Variants in RPSA2 observed in about 807,000 individuals in gnomAD.
The protein encoded by RPSA2 is small ribosomal subunit protein uS2B.
chr19:23,837,618 G>A, the RPSA2 span, among the ~76,000 whole-genome samples: 234 of 152,228 alleles, frequency 1.5e-3, no homozygotes, highest in African/African-American at 5.5e-3. Context: ...CCATTTGTTT[G>A]TGTCGTCTAT....
At chr19:23,821,038 G>A in the RPSA2 span, among the ~76,000 whole-genome samples, 1 of 152,326 alleles carries the variant, frequency 6.6e-6, no homozygotes, top group African/African-American at 2.4e-5. Flanking sequence ...TGAATTGGGA[G>A]CAAAATAGCT....
chr19:23,806,894 C>G, the RPSA2 span, among the ~76,000 whole-genome samples: 1 of 151,696 alleles, frequency 6.6e-6, no homozygotes, highest in Non-Finnish European at 1.5e-5. Flanking sequence ...GAAAATATCT[C>G]TATCTTGGAC....
At chr19:23,759,552 C>T in the RPSA2 span, among the ~76,000 whole-genome samples, 1 of 55,198 alleles carries the variant, frequency 1.8e-5, no homozygotes, top group Non-Finnish European at 3.4e-5. Context: ...GAGACGGAGT[C>T]TCGCTCTGTT....
the RPSA2 span, among the ~76,000 whole-genome samples, chr19:23,864,515 T>C: frequency 6.6e-6 from 1 of 152,038 alleles, no homozygotes. Flanking sequence ...TACACAAATA[T>C]TTAAGGAAGA....
At chr19:23,793,142 C>G in the RPSA2 span, among the ~76,000 whole-genome samples, 1 of 151,200 alleles carries the variant, frequency 6.6e-6, no homozygotes, top group Non-Finnish European at 1.5e-5. Context: ...AAGTACAAAG[C>G]GTTTTTCTGG....
chr19:23,813,730 C>CTTTT, the RPSA2 span, among the ~76,000 whole-genome samples: 1 of 136,766 alleles, frequency 7.3e-6, no homozygotes, highest in Non-Finnish European at 1.5e-5. Flanking sequence ...ACACGGGTTT[C>CTTTT]TTTTTTTTTT....
chr19:23,861,998 C>T, the RPSA2 span, among the ~76,000 whole-genome samples: 4 of 152,044 alleles, frequency 2.6e-5, no homozygotes, highest in African/African-American at 9.7e-5. Context: ...ATTGATTCTT[C>T]CTACCCATGA....
chr19:23,864,875 C>A, the RPSA2 span, among the ~76,000 whole-genome samples: 976 of 152,178 alleles, frequency 6.4e-3, 3 homozygotes, highest in Middle Eastern at 0.024. Context: ...AAGCAGATGA[C>A]TGACAACCAC....
At chr19:23,855,248 C>T in the RPSA2 span, among the ~76,000 whole-genome samples, 16 of 152,254 alleles carry the variant, frequency 1.1e-4, no homozygotes, top group East Asian at 3.9e-4. Context: ...AGCCTGCAGA[C>T]GGGCCTTCTC....
chr19:23,815,742 G>A, the RPSA2 span, among the ~76,000 whole-genome samples: 1 of 151,986 alleles, frequency 6.6e-6, no homozygotes, highest in African/African-American at 2.4e-5. Flanking sequence ...ATTAAAAATG[G>A]GGTATTGATG....
chr19:23,821,702 A>AT, the RPSA2 span, among the ~76,000 whole-genome samples: 2 of 151,780 alleles, frequency 1.3e-5, no homozygotes, highest in African/African-American at 4.8e-5. Context: ...CTGGACATTC[A>AT]TTTTTCTAGT....
the RPSA2 span, among the ~76,000 whole-genome samples, chr19:23,861,024 C>T: frequency 6.7e-4 from 101 of 151,734 alleles, 2 homozygotes; most frequent in African/African-American, 2.2e-3. Flanking sequence ...CTTAAAAAAG[C>T]AATACAACAA....
the RPSA2 span, among the ~76,000 whole-genome samples, chr19:23,850,668 C>T: frequency 1.3e-5 from 2 of 151,702 alleles, no homozygotes; most frequent in African/African-American, 2.4e-5. Context: ...CTCTTCCCCA[C>T]GTTATAATCG....
the RPSA2 span, among the ~76,000 whole-genome samples, chr19:23,821,323 G>C: frequency 2.6e-5 from 4 of 152,198 alleles, no homozygotes; most frequent in Non-Finnish European, 5.9e-5. Context: ...ACCAGGCGAT[G>C]CCATGATCCC....
chr19:23,827,338 G>C, the RPSA2 span: 2 of 1,587,994 alleles, frequency 1.3e-6, no homozygotes, highest in Non-Finnish European at 1.7e-6. Flanking sequence ...AGAAGCTTCT[G>C]CTGGCAGCTC....
At chr19:23,861,586 C>T in the RPSA2 span, among the ~76,000 whole-genome samples, 1 of 152,118 alleles carries the variant, frequency 6.6e-6, no homozygotes, top group Non-Finnish European at 1.5e-5. Context: ...CCTCAGTCTA[C>T]CAGCGTTCTG....
At chr19:23,808,534 G>C in the RPSA2 span, among the ~76,000 whole-genome samples, 2 of 151,968 alleles carry the variant, frequency 1.3e-5, no homozygotes, top group Non-Finnish European at 2.9e-5. Context: ...TGAGATTACA[G>C]GCGTGAGCCA....
At chr19:23,865,675 C>T in the RPSA2 span, among the ~76,000 whole-genome samples, 1 of 152,148 alleles carries the variant, frequency 6.6e-6, no homozygotes, top group Non-Finnish European at 1.5e-5. Context: ...CCACCCCCTC[C>T]AATAACAGAA....
chr19:23,790,092 C>T, the RPSA2 span, among the ~76,000 whole-genome samples: 3 of 151,978 alleles, frequency 2.0e-5, no homozygotes, highest in East Asian at 1.9e-4. Context: ...CTCTACCTCC[C>T]GGGTTGAAGC....
Sources: allele counts gnomAD v4.1 joint callset (sites outside exome capture counted in the v4.1 genomes callset), GRCh38; gene constraint gnomAD v4.1.1; transcripts MANE v1.5; gene names NCBI Gene and HGNC (gene_info 2026-07-23, HGNC 2026-07-21).